The following CADM1 variants were observed in gnomAD, a reference collection of about 807,000 sequenced individuals.
CADM1 encodes cell adhesion molecule 1.
CADM1 carries 15 observed loss-of-function variants against 53.1 expected under a neutral mutation model. The observed-to-expected ratio is 0.28, with a 90% CI of 0.19 to 0.44. CADM1 has a LOEUF of 0.44. Among genes scored for constraint, CADM1 ranks in the 20% least tolerant of loss-of-function variants. CADM1 has a pLI of 1.00. For synonymous variants in CADM1, 281 were observed against 243.0 expected (o/e 1.16, Z -1.45); for missense variants, 434 against 611.3 (o/e 0.71, Z 3.06).
intron 1 of CADM1, among the ~76,000 whole-genome samples, chr11:115,271,047 G>A (rs752766838): frequency 1.3e-5 from 2 of 152,130 alleles, no homozygotes; most frequent in Non-Finnish European, 2.9e-5. Context: ...TCACCAAAGG[G>A]TATTAAGCCA....
At chr11:115,404,346 AATATATATATATATAT>A (rs869231204) in intron 1 of CADM1, among the ~76,000 whole-genome samples, 59 of 33,686 alleles carry the variant, frequency 1.8e-3, no homozygotes, top group Admixed American at 3.2e-3. Flanking sequence ...AAAAAAAAAA[AATATATATATATATAT>A]ATATATATAT....
chr11:115,492,397 G>A (rs1049098541), intron 1 of CADM1, among the ~76,000 whole-genome samples: 8 of 152,156 alleles, frequency 5.3e-5, no homozygotes, highest in Non-Finnish European at 1.0e-4. Flanking sequence ...TTTTGATTTT[G>A]AGCCACGTTA....
chr11:115,424,318 T>C (rs1370049215), intron 1 of CADM1, among the ~76,000 whole-genome samples: 1 of 152,210 alleles, frequency 6.6e-6, no homozygotes, highest in Non-Finnish European at 1.5e-5. Flanking sequence ...CAGAAAGTAC[T>C]TGAACTTTTC....
At chr11:115,318,132 T>C in intron 1 of CADM1, among the ~76,000 whole-genome samples, 2 of 152,148 alleles carry the variant, frequency 1.3e-5, no homozygotes, top group Non-Finnish European at 2.9e-5. Context: ...GTAAAAATAA[T>C]GAGTCTCTAT....
chr11:115,345,390 G>T (rs983124867), intron 1 of CADM1, among the ~76,000 whole-genome samples: 7 of 152,178 alleles, frequency 4.6e-5, no homozygotes, highest in African/African-American at 1.7e-4. Flanking sequence ...TGCTCAGCAA[G>T]GGACAGGACA....
chr11:115,195,833 G>A (rs1003612474), intron 9 of CADM1, among the ~76,000 whole-genome samples: 14 of 152,292 alleles, frequency 9.2e-5, no homozygotes, highest in African/African-American at 3.1e-4. Flanking sequence ...TTTGCTGTGG[G>A]TTAAAGAGTA....
intron 1 of CADM1, among the ~76,000 whole-genome samples, chr11:115,472,522 T>C (rs1039700774): frequency 1.3e-5 from 2 of 152,248 alleles, no homozygotes; most frequent in Non-Finnish European, 2.9e-5. Flanking sequence ...CAAATCAATG[T>C]ACAGGCTTAG....
chr11:115,481,270 G>T (rs1174451787), intron 1 of CADM1, among the ~76,000 whole-genome samples: 1 of 152,140 alleles, frequency 6.6e-6, no homozygotes, highest in East Asian at 1.9e-4. Context: ...GGTCCCCTAT[G>T]AATACCTAAG....
intron 1 of CADM1, among the ~76,000 whole-genome samples, chr11:115,366,467 G>T (rs1033196599): frequency 6.6e-6 from 1 of 152,180 alleles, no homozygotes; most frequent in Non-Finnish European, 1.5e-5. Context: ...TAGTCTACTA[G>T]TACCTGGGAG....
At chr11:115,287,201 C>G (rs1943751417) in intron 1 of CADM1, among the ~76,000 whole-genome samples, 1 of 152,194 alleles carries the variant, frequency 6.6e-6, no homozygotes, top group African/African-American at 2.4e-5. Flanking sequence ...TGAAGTTTTT[C>G]TTCTGAAGTT....
chr11:115,500,234 T>C (rs1208367476), intron 1 of CADM1, among the ~76,000 whole-genome samples: 1 of 152,214 alleles, frequency 6.6e-6, no homozygotes, highest in Non-Finnish European at 1.5e-5. Flanking sequence ...ATTCAAATTA[T>C]AGCATTGATT....
intron 1 of CADM1, among the ~76,000 whole-genome samples, chr11:115,275,276 T>C (rs554576791): frequency 6.6e-6 from 1 of 152,098 alleles, no homozygotes; most frequent in African/African-American, 2.4e-5. Context: ...GGCTGCCCAA[T>C]CAATTCCAAC....
chr11:115,429,854 G>C (rs1191191262), intron 1 of CADM1, among the ~76,000 whole-genome samples: 1 of 152,084 alleles, frequency 6.6e-6, no homozygotes, highest in Non-Finnish European at 1.5e-5. Flanking sequence ...AACTCAGTGT[G>C]GTTTGTTCCC....
chr11:115,290,485 A>G (rs1943860722), intron 1 of CADM1, among the ~76,000 whole-genome samples: 1 of 152,114 alleles, frequency 6.6e-6, no homozygotes, highest in Non-Finnish European at 1.5e-5. Flanking sequence ...TGTGATTTTG[A>G]GTAGGAAATT....
At chr11:115,211,461 C>T (rs1259506570) in intron 7 of CADM1, among the ~76,000 whole-genome samples, 2 of 142,960 alleles carry the variant, frequency 1.4e-5, no homozygotes, top group Admixed American at 7.1e-5. Context: ...CCCTGATATA[C>T]TATAATCCTA....
chr11:115,231,264 G>A, intron 4 of CADM1, 89 bp downstream of exon 4: 1 of 1,382,668 alleles, frequency 7.2e-7, no homozygotes, highest in South Asian at 1.2e-5. Flanking sequence ...TTGTTTCATG[G>A]GCATGTTTTG....
At chr11:115,408,240 A>T (rs1947367656) in intron 1 of CADM1, among the ~76,000 whole-genome samples, 1 of 152,228 alleles carries the variant, frequency 6.6e-6, no homozygotes, top group African/African-American at 2.4e-5. Context: ...CGTCCCCCTT[A>T]AAAAATAGTA....
At chr11:115,466,924 G>A (rs532451505) in intron 1 of CADM1, among the ~76,000 whole-genome samples, 1 of 152,270 alleles carries the variant, frequency 6.6e-6, no homozygotes, top group African/African-American at 2.4e-5. Context: ...CAGGAAACCT[G>A]TGAGTACATC....
chr11:115,179,761 A>G (rs1188823100), intron 10 of CADM1, among the ~76,000 whole-genome samples: 1 of 152,218 alleles, frequency 6.6e-6, no homozygotes, highest in African/African-American at 2.4e-5. Flanking sequence ...CCTCCATTAA[A>G]ATGATTTACT....
Sources: gnomAD v4.1 joint callset for allele counts (sites outside exome capture counted in the v4.1 genomes callset) on GRCh38, gnomAD v4.1.1 for gene constraint, MANE v1.5 for transcripts, NCBI Gene and HGNC (gene_info 2026-07-23, HGNC 2026-07-21) for gene names.